The following DLGAP1 variants were observed in gnomAD, a reference collection of about 807,000 sequenced individuals.
DLGAP1 encodes the protein disks large-associated protein 1.
Under a neutral mutation model 90.8 loss-of-function variants are expected in DLGAP1, and 11 were observed. The observed-to-expected ratio is 0.12, with a 90% CI of 0.08 to 0.20. The LOEUF (loss-of-function observed/expected upper bound fraction) is 0.20, where lower values mean the gene tolerates loss of function less well. DLGAP1 is among the 10% of genes least tolerant of loss of function. The pLI, the probability that DLGAP1 is intolerant of heterozygous loss-of-function variation, is 1.00. For synonymous variants in DLGAP1, 558 were observed against 540.7 expected, an observed-to-expected ratio of 1.03 and a Z score of -0.44; for missense variants, 1,050 against 1,333.8, an observed-to-expected ratio of 0.79 and a Z score of 3.31.
rs527329048 is a variant in DLGAP1 at position 3,736,804 on chromosome 18, A to T, written c.1350+5531T>A. Among the ~76,000 whole-genome samples the T allele has an allele frequency of 6.6e-3, 992 of 150,942 alleles. 8 individuals are homozygous for T. The highest frequency in any genetic ancestry group is 0.022 in the African/African-American group (905 of 41,246). On this transcript the variant is annotated intron_variant, in intron 6 of 12. Coordinates refer to ENST00000315677, the MANE Select transcript of DLGAP1 (RefSeq NM_004746.4). ...ACTGAAGGAAATAGAGACACAAAAAACCCTTCAAAAAATTAATGAATCCAG... is the reference window on the plus strand; with the variant it reads ...ACTGAAGGAAATAGAGACACAAAAATCCCTTCAAAAAATTAATGAATCCAG...
intron 2 of DLGAP1, among the ~76,000 whole-genome samples, chr18:4,083,022 C>G (rs548686080): frequency 6.6e-6 from 1 of 152,098 alleles, no homozygotes; most frequent in Non-Finnish European, 1.5e-5. Flanking sequence ...CTGCCATGGC[C>G]GTTTCAGGCT....
Position 4,270,713 on chromosome 18 carries a change from T to C in DLGAP1, c.-266-119426A>G, listed in dbSNP as rs553730656. On this transcript the variant is annotated intron_variant, in intron 1 of 12. Transcript: ENST00000315677. ...CTGACAAGCATTCTATGGCTATTAC[T>C]AGTAGGTTCAATTTTAATTTAGTAA... is the stretch of plus-strand genomic sequence containing the variant. 1.4e-3 allele frequency among the ~76,000 whole-genome samples: 216 copies of C among 150,012 alleles called. No homozygotes were observed. The Middle Eastern group carries it at 0.021, about 15-fold the overall frequency.
At chr18:4,047,963 G>A (rs9961785) in intron 2 of DLGAP1, among the ~76,000 whole-genome samples, 68 of 152,082 alleles carry the variant, frequency 4.5e-4, no homozygotes, top group African/African-American at 1.6e-3. Context: ...GCCCAGCGAA[G>A]TTTTTCTTTA....
At chr18:4,252,287 A>C (rs2078795543) in intron 1 of DLGAP1, among the ~76,000 whole-genome samples, 1 of 152,142 alleles carries the variant, frequency 6.6e-6, no homozygotes, top group Non-Finnish European at 1.5e-5. Flanking sequence ...TGTAATTCTG[A>C]GGTTGTGAGA....
chr18:4,000,221 C>A (rs914617150), intron 3 of DLGAP1, among the ~76,000 whole-genome samples: 6 of 66,404 alleles, frequency 9.0e-5, no homozygotes, highest in Non-Finnish European at 1.4e-4. Flanking sequence ...TACCTTTAGT[C>A]CCATTTTTAC....
At chr18:3,987,742 C>T (rs2073871926) in intron 3 of DLGAP1, among the ~76,000 whole-genome samples, 1 of 152,030 alleles carries the variant, frequency 6.6e-6, no homozygotes, top group Non-Finnish European at 1.5e-5. Flanking sequence ...TTATATGCTC[C>T]AATTACAGAT....
Position 3,720,888 on chromosome 18 carries a change from C to CAAAAAAAAAAAAAAAAAAAA in DLGAP1, c.1591+8227_1591+8246dup, listed in dbSNP as rs1186426563. Among the ~76,000 whole-genome samples, 91 of 50,278 alleles carry CAAAAAAAAAAAAAAAAAAAA rather than the reference C, an allele frequency of 1.8e-3. 4 individuals carry two copies. Among genetic ancestry groups the CAAAAAAAAAAAAAAAAAAAA allele is most frequent in the African/African-American group, 4.1e-3 (51 of 12,474 alleles). 33.0% of individuals were successfully genotyped at this position (50,278 alleles called of 152,430 possible). ...GCAACATACTAAGACCTTGTCTCTA[C>CAAAAAAAAAAAAAAAAAAAA]AAAAAAAAAAAAAAAAAAAAATTAG... On this transcript the variant is annotated intron_variant, in intron 7 of 12. Transcript: ENST00000315677.
chr18:4,156,641 G>A (rs2076761258), intron 1 of DLGAP1, among the ~76,000 whole-genome samples: 1 of 152,056 alleles, frequency 6.6e-6, no homozygotes, highest in Non-Finnish European at 1.5e-5. Flanking sequence ...CAGGAAGCAA[G>A]GTAAATTTTT....
At chr18:3,805,204 A>T (rs2066508688) in intron 5 of DLGAP1, among the ~76,000 whole-genome samples, 1 of 152,234 alleles carries the variant, frequency 6.6e-6, no homozygotes, top group Non-Finnish European at 1.5e-5. Context: ...AATCTGCATA[A>T]TTACCCTTGA....
intron 3 of DLGAP1, among the ~76,000 whole-genome samples, chr18:3,958,337 A>G (rs1229127665): frequency 1.3e-5 from 2 of 152,044 alleles, no homozygotes; most frequent in African/African-American, 4.8e-5. Flanking sequence ...TTTAAAAACA[A>G]CTACAATAAG....
At chr18:4,255,050 C>T (rs567412912) in intron 1 of DLGAP1, among the ~76,000 whole-genome samples, 1 of 152,258 alleles carries the variant, frequency 6.6e-6, no homozygotes, top group African/African-American at 2.4e-5. Context: ...CCAGCCTGGG[C>T]AAAGCAGAGC....
At chr18:4,264,741 G>A (rs1428285917) in intron 1 of DLGAP1, 1 of 152,176 alleles carries the variant, frequency 6.6e-6, no homozygotes, top group South Asian at 2.1e-4. Context: ...TGGGGACCTT[G>A]AGCTGAATTA....
chr18:3,566,344 TGCAAAA>T (rs2054426428), intron 9 of DLGAP1, among the ~76,000 whole-genome samples: 4 of 151,936 alleles, frequency 2.6e-5, no homozygotes, highest in African/African-American at 9.7e-5. Context: ...ATCAGGTTGG[TGCAAAA>T]GTAATTGAGG....
chr18:3,537,963 C>T (rs1047317038), intron 9 of DLGAP1, among the ~76,000 whole-genome samples: 1 of 152,114 alleles, frequency 6.6e-6, no homozygotes, highest in Non-Finnish European at 1.5e-5. Context: ...AATATTTATA[C>T]AACACTAAAT....
intron 10 of DLGAP1, among the ~76,000 whole-genome samples, chr18:3,523,753 C>A (rs965161281): frequency 6.6e-6 from 1 of 151,002 alleles, no homozygotes; most frequent in Admixed American, 6.6e-5. Context: ...GAGGCTGAGG[C>A]AGGAGAATGG....
chr18:4,263,880 C>T lies in DLGAP1; in HGVS notation c.-266-112593G>A, dbSNP rs113585635. On this transcript the variant is annotated intron_variant, in intron 1 of 12. Transcript: ENST00000315677. ...AAGATATGATTTATAAACATTTTCT[C>T]TCAAAATGAATGACTCCCTACTCAT... 3.9e-5 allele frequency among the ~76,000 whole-genome samples: 6 copies of T among 152,170 alleles called. 2 individuals carry two copies. The highest frequency in any genetic ancestry group is 1.4e-4 in the African/African-American group (6 of 41,524).
chr18:3,998,748 G>T (rs4624289), intron 3 of DLGAP1, among the ~76,000 whole-genome samples: 81,958 of 152,004 alleles, frequency 0.54, 22,359 homozygotes, highest in Admixed American at 0.58. Context: ...TTCATTTGCT[G>T]TATTCATAAT....
intron 5 of DLGAP1, among the ~76,000 whole-genome samples, chr18:3,804,728 T>G (rs1020474276): frequency 6.6e-6 from 1 of 152,206 alleles, no homozygotes; most frequent in Non-Finnish European, 1.5e-5. Context: ...TCAGGGCACT[T>G]TAGGCATAGA....
intron 1 of DLGAP1, among the ~76,000 whole-genome samples, chr18:4,419,279 C>T (rs2082975144): frequency 6.6e-6 from 1 of 152,144 alleles, no homozygotes; most frequent in Non-Finnish European, 1.5e-5. Flanking sequence ...AATCATCTCC[C>T]ACTGGGTCCC....
Sources: gnomAD v4.1 joint callset for allele counts (sites outside exome capture counted in the v4.1 genomes callset) on GRCh38, gnomAD v4.1.1 for gene constraint, MANE v1.5 for transcripts, NCBI Gene and HGNC (gene_info 2026-07-23, HGNC 2026-07-21) for gene names.